Variants in ZRANB3 observed in about 807,000 individuals in gnomAD.
ZRANB3 encodes zinc finger RANBP2-type containing 3, also known as DNA annealing helicase and endonuclease ZRANB3.
Under a neutral mutation model 133.8 loss-of-function variants are expected in ZRANB3, and 125 were observed. The observed-to-expected ratio is 0.93, with a 90% CI of 0.81 to 1.08. The LOEUF (loss-of-function observed/expected upper bound fraction) is 1.08. ZRANB3 is among the 50% of genes least tolerant of loss of function. The probability of loss-of-function intolerance (pLI) is 0.00; values close to 1 mark genes in which losing one functional copy is unlikely to be tolerated. For synonymous variants in ZRANB3, 387 were observed against 432.7 expected, an observed-to-expected ratio of 0.89 and a Z score of 1.31; for missense variants, 1,229 against 1,275.5, an observed-to-expected ratio of 0.96 and a Z score of 0.56.
At chr2:135,471,276 T>C (rs1691256958) in intron 2 of ZRANB3, among the ~76,000 whole-genome samples, 1 of 152,170 alleles carries the variant, frequency 6.6e-6, no homozygotes, top group African/African-American at 2.4e-5. Context: ...TTGGGATCTT[T>C]CACCTACTCA....
chr2:135,276,442 A>G (rs984975679), intron 8 of ZRANB3, among the ~76,000 whole-genome samples: 3 of 152,210 alleles, frequency 2.0e-5, no homozygotes, highest in Admixed American at 6.5e-5. Flanking sequence ...ATTATGACAC[A>G]GAAGGAAGAA....
chr2:135,411,694 G>A (rs1344674828), intron 2 of ZRANB3, among the ~76,000 whole-genome samples: 1 of 152,114 alleles, frequency 6.6e-6, no homozygotes, highest in Non-Finnish European at 1.5e-5. Context: ...AATACCTCAT[G>A]TTCTCACTTA....
rs145712060 is a variant in ZRANB3, at chr2:135,241,119, C to T, written c.1540-10192G>A. On this transcript the variant is annotated intron_variant, in intron 12 of 20. Coordinates refer to ENST00000264159, the MANE Select transcript of ZRANB3 (RefSeq NM_032143.4). ...TTTGAATACTATTATCTTTAGCTCT[C>T]GAAAATTTCTATTATTCTTTGATAG... 3.0e-3 allele frequency among the ~76,000 whole-genome samples: 458 copies of T among 152,202 alleles called. 3 individuals carry two copies. The highest frequency in any genetic ancestry group is 0.01 in the African/African-American group (426 of 41,540).
rs565744670 is a variant in ZRANB3, at chr2:135,415,952, G to A, written c.162-25132C>T. Among the ~76,000 whole-genome samples, 1,042 of 151,850 alleles carry A rather than the reference G, an allele frequency of 6.9e-3. 11 individuals are homozygous for A. The highest frequency in any genetic ancestry group is 0.024 in the African/African-American group (974 of 41,322). The stretch of plus-strand genomic sequence containing the variant: ...TCAATAAATTAGGTATTGATGGGAC[G>A]TATCTCAAAATAATAAGAGCTATCT... On this transcript the variant is annotated intron_variant, in intron 2 of 20. Coordinates refer to ENST00000264159, the MANE Select transcript of ZRANB3 (RefSeq NM_032143.4).
At chr2:135,421,882 T>C (rs1380528105) in intron 2 of ZRANB3, among the ~76,000 whole-genome samples, 1 of 150,972 alleles carries the variant, frequency 6.6e-6, no homozygotes, top group East Asian at 1.9e-4. Flanking sequence ...TTATTTCTTT[T>C]TTTTTTCCTT....
At chr2:135,263,530 A>T (rs1680068092) in intron 12 of ZRANB3, among the ~76,000 whole-genome samples, 1 of 152,188 alleles carries the variant, frequency 6.6e-6, no homozygotes, top group Non-Finnish European at 1.5e-5. Flanking sequence ...ATCACTCCAC[A>T]GTAAAGGGAG....
At chr2:135,223,338 T>G (rs547799381) in intron 15 of ZRANB3, among the ~76,000 whole-genome samples, 76 of 152,014 alleles carry the variant, frequency 5.0e-4, no homozygotes, top group African/African-American at 1.8e-3. Flanking sequence ...ACATTTTTTT[T>G]TTTTTGAGAC....
chr2:135,333,006 C>T (rs993462606), intron 6 of ZRANB3, among the ~76,000 whole-genome samples: 2 of 152,168 alleles, frequency 1.3e-5, no homozygotes, highest in Non-Finnish European at 2.9e-5. Context: ...CTTTTCCATG[C>T]CTGTATCCAG....
chr2:135,338,171 T>C (rs1211919509), intron 6 of ZRANB3, among the ~76,000 whole-genome samples: 2 of 152,218 alleles, frequency 1.3e-5, no homozygotes, highest in East Asian at 3.8e-4. Context: ...TACATGGATC[T>C]AGCATACAAA....
chr2:135,383,685 A>G (rs1416747843), intron 3 of ZRANB3, among the ~76,000 whole-genome samples: 1 of 152,222 alleles, frequency 6.6e-6, no homozygotes, highest in Non-Finnish European at 1.5e-5. Flanking sequence ...ACTCAGGATT[A>G]AGAAACTCAC....
intron 2 of ZRANB3, among the ~76,000 whole-genome samples, chr2:135,455,285 T>G (rs961236398): frequency 7.1e-6 from 1 of 141,082 alleles, no homozygotes; most frequent in Non-Finnish European, 1.5e-5. Flanking sequence ...ACCTCCCAGG[T>G]TCAAGCGATT....
intron 2 of ZRANB3, among the ~76,000 whole-genome samples, chr2:135,482,123 T>C (rs1401980142): frequency 7.2e-6 from 1 of 138,508 alleles, no homozygotes; most frequent in African/African-American, 3.1e-5. Context: ...CCATATGAAC[T>C]TTAAAGTAGT....
At chr2:135,269,423 C>T (rs959864241) in intron 10 of ZRANB3, among the ~76,000 whole-genome samples, 4 of 152,038 alleles carry the variant, frequency 2.6e-5, no homozygotes, top group East Asian at 1.9e-4. Flanking sequence ...TGATGATGAA[C>T]GGATTCACAT....
At chr2:135,421,350 T>C (rs993707870) in intron 2 of ZRANB3, among the ~76,000 whole-genome samples, 8 of 152,168 alleles carry the variant, frequency 5.3e-5, no homozygotes, top group African/African-American at 1.9e-4. Flanking sequence ...TCAGATCCTA[T>C]TTGACATTTT....
intron 3 of ZRANB3, among the ~76,000 whole-genome samples, chr2:135,371,465 C>T (rs1037903201): frequency 6.6e-6 from 1 of 152,180 alleles, no homozygotes; most frequent in African/African-American, 2.4e-5. Context: ...AACTCACCAT[C>T]ACTGCCACCT....
At position 135,284,596 on chromosome 2, in the gene ZRANB3, T is replaced by C. The variant is rs528222245; in HGVS notation, c.967-8841A>G. 2.0e-3 allele frequency among the ~76,000 whole-genome samples: 300 copies of C among 152,242 alleles called. 1 individual carries two copies. Among genetic ancestry groups the C allele is most frequent in the African/African-American group, 7.0e-3 (291 of 41,564 alleles). The stretch of plus-strand genomic sequence containing the variant: ...ACGCCATTCTCCTGCCTCAGCCTCC[T>C]GAGTAGCTGGGACTACAGGCGCCTG... On this transcript the variant is annotated intron_variant, in intron 8 of 20. Coordinates refer to ENST00000264159, the MANE Select transcript of ZRANB3 (RefSeq NM_032143.4).
At chr2:135,507,281 A>G (rs553950971) in intron 1 of ZRANB3, among the ~76,000 whole-genome samples, 15 of 152,304 alleles carry the variant, frequency 9.8e-5, no homozygotes, top group Admixed American at 3.9e-4. Flanking sequence ...TGAGATGGCT[A>G]TAAGATAAGA....
rs538619136 is a variant in ZRANB3 at position 135,385,374 on chromosome 2, C to T, written c.180+5428G>A. On this transcript the variant is annotated intron_variant, in intron 3 of 20. Transcript: ENST00000264159. ...AACAAATCGAAGAACATTCCATGCT[C>T]ATGGGTAGGAAGAATCAATATTGTG... Among the ~76,000 whole-genome samples the T allele has an allele frequency of 5.3e-5, 8 of 152,282 alleles. No homozygotes were observed. The East Asian group carries it at 1.3e-3, about 26-fold the overall frequency.
At chr2:135,394,006 C>T (rs1011514898) in intron 2 of ZRANB3, among the ~76,000 whole-genome samples, 1 of 151,884 alleles carries the variant, frequency 6.6e-6, no homozygotes. Context: ...AACAGGCGCC[C>T]GCCACCATGC....
Sources: gnomAD v4.1 joint callset for allele counts (sites outside exome capture counted in the v4.1 genomes callset) on GRCh38, gnomAD v4.1.1 for gene constraint, MANE v1.5 for transcripts, NCBI Gene and HGNC (gene_info 2026-07-23, HGNC 2026-07-21) for gene names.